Variants in ADGRL4 observed in about 807,000 individuals in gnomAD.
The protein encoded by ADGRL4 is EGF, latrophilin and seven transmembrane domain containing 1.
A neutral mutation model predicts 74.8 loss-of-function variants in ADGRL4; 90 were observed. The observed-to-expected ratio is 1.20, with a 90% CI of 1.02 to 1.43. The LOEUF (loss-of-function observed/expected upper bound fraction) is 1.43. Among genes scored for constraint, ADGRL4 ranks in the 40% most tolerant of loss-of-function variants. The pLI is 0.00. For missense variants in ADGRL4, 881 were observed against 814.3 expected (o/e 1.08, Z -1.00); for synonymous variants, 311 against 279.2 (o/e 1.11, Z -1.14).
chr1:78,898,771 A>G (rs149091249), intron 12 of ADGRL4, among the ~76,000 whole-genome samples: 5 of 152,294 alleles, frequency 3.3e-5, no homozygotes, highest in African/African-American at 7.2e-5. Context: ...ATCTATAAAG[A>G]GACCTGTTTC....
intron 2 of ADGRL4, among the ~76,000 whole-genome samples, chr1:78,969,990 T>G (rs1650138037): frequency 6.6e-6 from 1 of 152,138 alleles, no homozygotes; most frequent in Non-Finnish European, 1.5e-5. Context: ...GAGGTTTCCT[T>G]TTTTGGGAAA....
chr1:78,901,433 T>A (rs927726178), intron 12 of ADGRL4, among the ~76,000 whole-genome samples: 2 of 152,122 alleles, frequency 1.3e-5, no homozygotes, highest in Non-Finnish European at 2.9e-5. Context: ...TTAAAACTGA[T>A]AAAATGTCCT....
chr1:78,944,608 C>T (rs553696012), intron 3 of ADGRL4, among the ~76,000 whole-genome samples: 1 of 152,058 alleles, frequency 6.6e-6, no homozygotes, highest in Non-Finnish European at 1.5e-5. Context: ...AAAGCTTGAT[C>T]GGCTGTATTT....
chr1:78,931,519 C>T (rs1557502059), intron 7 of ADGRL4, among the ~76,000 whole-genome samples: 1 of 151,268 alleles, frequency 6.6e-6, no homozygotes, highest in Non-Finnish European at 1.5e-5. Flanking sequence ...GAAACCGCAG[C>T]AACTAGTGTG....
rs367935699 is a variant in ADGRL4, at chr1:78,938,118, A to C, written c.558T>G (p.Leu186=). The part of the protein sequence containing the change: ...KNNTISAKDT[L]SNSTLTEFVK... ...TACTTACAGTAAGAGTTGAGTTAGA[A>C]AGGGTGTCCTTGGCTGAGATAGTGT... Residue 186 remains leucine, a synonymous_variant, in exon 5 of 15, where the codon CTT becomes CTG. Coordinates refer to ENST00000370742, the MANE Select transcript of ADGRL4 (RefSeq NM_022159.4). 2.7e-4 allele frequency: 431 copies of C among 1,612,628 alleles called. 2 individuals are homozygous for C. Among genetic ancestry groups the C allele is most frequent in the Non-Finnish European group, 3.3e-4 (389 of 1,179,590 alleles).
chr1:78,932,099 T>C (rs1006614018), intron 7 of ADGRL4, among the ~76,000 whole-genome samples: 1 of 151,428 alleles, frequency 6.6e-6, no homozygotes, highest in Non-Finnish European at 1.5e-5. Flanking sequence ...TTTACAGAAC[T>C]CTTACCCCCA....
chr1:78,998,597 A>T (rs1284770792), intron 2 of ADGRL4, among the ~76,000 whole-genome samples: 1 of 151,876 alleles, frequency 6.6e-6, no homozygotes, highest in South Asian at 2.1e-4. Flanking sequence ...CGCTATCTCG[A>T]CATGGTGACC....
intron 2 of ADGRL4, among the ~76,000 whole-genome samples, chr1:79,001,247 A>G (rs1387906261): frequency 6.8e-6 from 1 of 148,042 alleles, no homozygotes; most frequent in East Asian, 2.0e-4. Context: ...GGGAGGGAGG[A>G]AGGAAGGTAT....
intron 12 of ADGRL4, among the ~76,000 whole-genome samples, chr1:78,895,180 A>C (rs1226076707): frequency 1.3e-5 from 2 of 152,072 alleles, no homozygotes; most frequent in African/African-American, 4.8e-5. Context: ...AAACATGTTT[A>C]TCAAAAGGCG....
chr1:78,966,050 G>A (rs1002582355), intron 2 of ADGRL4, among the ~76,000 whole-genome samples: 1 of 151,726 alleles, frequency 6.6e-6, no homozygotes, highest in Non-Finnish European at 1.5e-5. Flanking sequence ...ATTTTGGTTG[G>A]GAAAAGCCAT....
Position 78,892,703 on chromosome 1 carries a change from G to C in ADGRL4, c.1841+395C>G, listed in dbSNP as rs554696008. Among the ~76,000 whole-genome samples, 4 of 152,080 alleles carry C rather than the reference G, an allele frequency of 2.6e-5. No homozygotes were observed. In the South Asian group the frequency reaches 6.2e-4, roughly 24 times the overall value. ...TCTTCCTGAACAAATCATTTTCAAG[G>C]TTTCAATAAATCAGTTTTAAAGCGG... On this transcript the variant is annotated intron_variant, in intron 13 of 14. Coordinates refer to ENST00000370742, the MANE Select transcript of ADGRL4 (RefSeq NM_022159.4).
chr1:78,958,968 A>G (rs1036744624), intron 2 of ADGRL4, among the ~76,000 whole-genome samples: 2 of 152,332 alleles, frequency 1.3e-5, no homozygotes, highest in African/African-American at 4.8e-5. Context: ...ACCTTCCACC[A>G]GCAACACGTT....
Position 78,905,800 on chromosome 1 carries a change from A to G in ADGRL4, c.1749+11834T>C, listed in dbSNP as rs909056471. Among the ~76,000 whole-genome samples, 3 of 152,042 alleles carry G rather than the reference A, an allele frequency of 2.0e-5. No homozygotes were observed. In the East Asian group the frequency reaches 5.8e-4, roughly 29 times the overall value. On this transcript the variant is annotated intron_variant, in intron 12 of 14. Transcript: ENST00000370742. ...TAGACCCTATATTTAAATCCCAGGTATCTTTAATAACCTTCATAAAGGAGC... is the reference window on the plus strand; with the variant it reads ...TAGACCCTATATTTAAATCCCAGGTGTCTTTAATAACCTTCATAAAGGAGC...
At chr1:78,906,474 A>G (rs372463735) in intron 12 of ADGRL4, among the ~76,000 whole-genome samples, 1 of 151,994 alleles carries the variant, frequency 6.6e-6, no homozygotes, top group Non-Finnish European at 1.5e-5. Flanking sequence ...AGTGAGCTAC[A>G]TGGGTTTATC....
intron 2 of ADGRL4, among the ~76,000 whole-genome samples, chr1:78,953,507 T>C (rs1437228137): frequency 6.6e-6 from 1 of 152,184 alleles, no homozygotes; most frequent in Non-Finnish European, 1.5e-5. Flanking sequence ...AGTAACACGT[T>C]ATGTCACTGA....
Position 78,946,416 on chromosome 1 carries a change from T to A in ADGRL4, c.183A>T (p.Glu61Asp), listed in dbSNP as rs984742629. 1.2e-6 allele frequency: 2 copies of A among 1,608,460 alleles called. No individual in the cohort carries two copies. Among genetic ancestry groups the A allele is most frequent in the Non-Finnish European group, 1.7e-6 (2 of 1,177,778 alleles). ...NGVTICEDDNECGNLTQSCGE... is the reference protein window; with the variant it reads ...NGVTICEDDNDCGNLTQSCGE... ...CACAGGACTGAGTTAAATTTCCACA[T>A]TCATTATCATCTGTTGGCATATGAA... is the stretch of plus-strand genomic sequence containing the variant. Residue 61 changes from glutamate (E) to aspartate (D), a missense_variant, in exon 3 of 15, where the codon GAA becomes GAT. Coordinates refer to ENST00000370742, the MANE Select transcript of ADGRL4 (RefSeq NM_022159.4).
At chr1:78,907,485 C>T (rs1475489160) in intron 12 of ADGRL4, among the ~76,000 whole-genome samples, 1 of 151,858 alleles carries the variant, frequency 6.6e-6, no homozygotes, top group Non-Finnish European at 1.5e-5. Context: ...TTACAGTACT[C>T]CTTTGAGAAG....
At chr1:78,934,508 C>A (rs1021299205) in intron 7 of ADGRL4, among the ~76,000 whole-genome samples, 1 of 151,994 alleles carries the variant, frequency 6.6e-6, no homozygotes, top group Non-Finnish European at 1.5e-5. Flanking sequence ...AACTTCATGA[C>A]AAAAACACCA....
At position 78,937,872 on chromosome 1, in the gene ADGRL4, G is replaced by A; in HGVS notation, c.695C>T (p.Ala232Val). ...GAAGCTCTGGGATATCCTTAAAGTA[G>A]CTTGTTCAACAGTGTGCATGAGTTT... ...LTKLMHTVEQ[A>V]TLRISQSFQK... The change falls in exon 6 of 15, where the codon GCT becomes GTT. Residue 232 changes from alanine to valine, a missense_variant. Physicochemically the swap from Ala to Val is moderately conservative, Grantham distance 64 (BLOSUM62 0). Coordinates refer to ENST00000370742, the MANE Select transcript of ADGRL4 (RefSeq NM_022159.4). The A allele has an allele frequency of 6.2e-7, 1 of 1,613,954 alleles. No individual in the cohort carries two copies.
Sources: gnomAD v4.1 joint callset for allele counts (sites outside exome capture counted in the v4.1 genomes callset) on GRCh38, gnomAD v4.1.1 for gene constraint, MANE v1.5 for transcripts, NCBI Gene and HGNC (gene_info 2026-07-23, HGNC 2026-07-21) for gene names.